The following THSD7B variants were observed in gnomAD, a reference collection of about 807,000 sequenced individuals.
THSD7B encodes the protein thrombospondin type 1 domain containing 7B.
A neutral mutation model predicts 213.6 loss-of-function variants in THSD7B; 138 were observed. That is an observed-to-expected ratio of 0.65 (90% confidence interval 0.56 to 0.74). THSD7B has a LOEUF of 0.74. THSD7B is among the 30% of genes least tolerant of loss of function. The probability of loss-of-function intolerance (pLI) is 0.00; values close to 1 mark genes in which losing one functional copy is unlikely to be tolerated. For synonymous variants in THSD7B, 742 were observed against 687.0 expected, an observed-to-expected ratio of 1.08 and a Z score of -1.25; for missense variants, 1,931 against 1,991.5, an observed-to-expected ratio of 0.97 and a Z score of 0.58.
chr2:137,368,519 G>A (rs1685471410), intron 12 of THSD7B, among the ~76,000 whole-genome samples: 1 of 151,902 alleles, frequency 6.6e-6, no homozygotes, highest in Non-Finnish European at 1.5e-5. Context: ...TAAAGATCAT[G>A]TATCAATGCA....
At chr2:137,244,206 T>A (rs1249339076) in intron 10 of THSD7B, among the ~76,000 whole-genome samples, 5 of 152,218 alleles carry the variant, frequency 3.3e-5, no homozygotes, top group Admixed American at 6.5e-5. Flanking sequence ...AGATAAATAT[T>A]GATAAGATGC....
chr2:136,887,341 A>G (rs893150034), intron 2 of THSD7B, among the ~76,000 whole-genome samples: 32 of 148,532 alleles, frequency 2.2e-4, no homozygotes, highest in African/African-American at 7.3e-4. Context: ...ACAGGCTTTT[A>G]AAATAGCCTT....
At chr2:137,203,509 T>C (rs532137431) in intron 7 of THSD7B, among the ~76,000 whole-genome samples, 24 of 152,220 alleles carry the variant, frequency 1.6e-4, no homozygotes, top group South Asian at 8.3e-4. Flanking sequence ...AAATAGATCT[T>C]GACCATGCTC....
chr2:137,638,370 C>T (rs943792228), intron 20 of THSD7B, among the ~76,000 whole-genome samples: 1 of 152,068 alleles, frequency 6.6e-6, no homozygotes, highest in African/African-American at 2.4e-5. Flanking sequence ...TTGCTTATTC[C>T]TCATTTTTCT....
intron 3 of THSD7B, among the ~76,000 whole-genome samples, chr2:137,070,668 C>T (rs535595092): frequency 2.0e-5 from 3 of 151,900 alleles, no homozygotes; most frequent in East Asian, 1.9e-4. Flanking sequence ...CCCATTAACT[C>T]GTCATTTAGC....
At chr2:137,560,306 C>A in intron 15 of THSD7B, among the ~76,000 whole-genome samples, 1 of 152,134 alleles carries the variant, frequency 6.6e-6, no homozygotes, top group East Asian at 1.9e-4. Flanking sequence ...GACTTGGAAC[C>A]AACCCAAATG....
At chr2:137,201,256 A>G (rs1305325647) in intron 7 of THSD7B, among the ~76,000 whole-genome samples, 1 of 152,138 alleles carries the variant, frequency 6.6e-6, no homozygotes, top group Non-Finnish European at 1.5e-5. Context: ...AGAGCTGGAA[A>G]ACATTCTGGG....
intron 1 of THSD7B, among the ~76,000 whole-genome samples, chr2:136,832,261 G>T (rs1682770054): frequency 1.3e-5 from 2 of 151,438 alleles, no homozygotes; most frequent in Admixed American, 6.6e-5. Flanking sequence ...AGTTATGGAG[G>T]ATGAGAAGTC....
At chr2:136,813,655 A>G (rs1355951626) in intron 1 of THSD7B, among the ~76,000 whole-genome samples, 2 of 151,940 alleles carry the variant, frequency 1.3e-5, no homozygotes, top group Admixed American at 1.3e-4. Context: ...TTTTTTTTCC[A>G]GTGAACTCTA....
In THSD7B at chr2:137,323,837, C is replaced by T. The variant is rs1400554543; in HGVS notation, c.2500+47811C>T. ...ATTTATATGAGAAAATCTGAGAAGACGAATGAGATTCTGTTTGACAAAAAT... is the reference window on the plus strand; with the variant it reads ...ATTTATATGAGAAAATCTGAGAAGATGAATGAGATTCTGTTTGACAAAAAT... On this transcript the variant is annotated intron_variant, in intron 12 of 27. Coordinates refer to ENST00000409968, the MANE Select transcript of THSD7B (RefSeq NM_001316349.2). Among the ~76,000 whole-genome samples, 12 of 152,116 alleles carry T rather than the reference C, an allele frequency of 7.9e-5. No individual in the cohort carries two copies. In the South Asian group the frequency reaches 1.7e-3, roughly 21 times the overall value.
intron 7 of THSD7B, among the ~76,000 whole-genome samples, chr2:137,198,944 C>T (rs1223943058): frequency 1.3e-5 from 2 of 152,088 alleles, no homozygotes; most frequent in Non-Finnish European, 2.9e-5. Flanking sequence ...ATATTTGAGT[C>T]GGGAGATTTG....
chr2:137,429,077 C>A (rs1037637208), intron 14 of THSD7B, among the ~76,000 whole-genome samples: 2 of 152,146 alleles, frequency 1.3e-5, no homozygotes, highest in African/African-American at 2.4e-5. Context: ...TTACAAATTA[C>A]CCATTTGAAG....
intron 15 of THSD7B, among the ~76,000 whole-genome samples, chr2:137,558,679 CT>C (rs1558839045): frequency 6.6e-6 from 1 of 152,192 alleles, no homozygotes; most frequent in Admixed American, 6.5e-5. Context: ...TCTTGCACCA[CT>C]CCTATTCAAC....
chr2:136,912,643 T>TG (rs1309940458), intron 2 of THSD7B, among the ~76,000 whole-genome samples: 9 of 152,174 alleles, frequency 5.9e-5, no homozygotes, highest in African/African-American at 2.2e-4. Context: ...AATTGGATTA[T>TG]GGGGGCCAGT....
intron 2 of THSD7B, among the ~76,000 whole-genome samples, chr2:137,015,251 A>C (rs1367179463): frequency 6.6e-6 from 1 of 152,152 alleles, no homozygotes; most frequent in East Asian, 1.9e-4. Context: ...CCAGTTATCC[A>C]AGAAATATGG....
rs114690063 is a variant in THSD7B at position 137,315,580 on chromosome 2, A to T, written c.2500+39554A>T. 4.0e-3 allele frequency among the ~76,000 whole-genome samples: 607 copies of T among 152,036 alleles called. 2 individuals are homozygous for T. Among genetic ancestry groups the T allele is most frequent in the African/African-American group, 0.014 (588 of 41,482 alleles). Reference sequence around the variant, plus strand: ...TAAAACGTTTTTCAGTAGCGTCTCTATCAACTTTTTTTTTTCGTTTCTAGA... The same window carrying T: ...TAAAACGTTTTTCAGTAGCGTCTCTTTCAACTTTTTTTTTTCGTTTCTAGA... On this transcript the variant is annotated intron_variant, in intron 12 of 27. Transcript: ENST00000409968.
At chr2:137,088,135 G>C (rs1440674695) in intron 3 of THSD7B, among the ~76,000 whole-genome samples, 1 of 152,088 alleles carries the variant, frequency 6.6e-6, no homozygotes, top group Non-Finnish European at 1.5e-5. Context: ...AGCTACTTGG[G>C]AGGCTGAGGC....
At position 136,865,858 on chromosome 2, in the gene THSD7B, A is replaced by G. The variant is rs1683323256; in HGVS notation, c.-35-16286A>G. Among the ~76,000 whole-genome samples, 2 of 152,186 alleles carry G rather than the reference A, an allele frequency of 1.3e-5. 1 individual carries two copies. Among genetic ancestry groups the G allele is most frequent in the South Asian group, 4.1e-4 (2 of 4,838 alleles). On this transcript the variant is annotated intron_variant, in intron 1 of 27. Transcript: ENST00000409968. ...TAGTGGCAAAGATGTGTTGGAGTGCATCATCCCACCTAAGTTTATTCAGGA... is the reference window on the plus strand; with the variant it reads ...TAGTGGCAAAGATGTGTTGGAGTGCGTCATCCCACCTAAGTTTATTCAGGA...
chr2:137,162,329 C>T (rs971155090), intron 6 of THSD7B, among the ~76,000 whole-genome samples: 5 of 152,158 alleles, frequency 3.3e-5, no homozygotes, highest in East Asian at 1.9e-4. Flanking sequence ...CATTGGTCCC[C>T]GGAAGAGTCC....
Sources: allele counts gnomAD v4.1 joint callset (sites outside exome capture counted in the v4.1 genomes callset), GRCh38; gene constraint gnomAD v4.1.1; transcripts MANE v1.5; gene names NCBI Gene and HGNC (gene_info 2026-07-23, HGNC 2026-07-21).